SNX29: variants seen among roughly 807,000 people sequenced by gnomAD.
SNX29 encodes sorting nexin 29.
In SNX29, 78 loss-of-function variants were observed where a neutral mutation model predicts 102.1. The ratio of observed to expected loss-of-function variants is 0.76; its 90% CI spans 0.64 to 0.92. SNX29 has a LOEUF of 0.92. SNX29 is among the 40% of genes least tolerant of loss of function. The pLI, the probability that SNX29 is intolerant of heterozygous loss-of-function variation, is 0.00. For synonymous variants in SNX29, 580 were observed against 414.5 expected (o/e 1.40, Z -4.85); for missense variants, 1,280 against 1,061.7 (o/e 1.21, Z -2.86).
chr16:12,553,168 G>A (rs1470404394), intron 20 of SNX29, among the ~76,000 whole-genome samples: 3 of 152,186 alleles, frequency 2.0e-5, no homozygotes, highest in African/African-American at 7.2e-5. Context: ...TGGGATTTTT[G>A]GATCTTTAAG....
intron 20 of SNX29, among the ~76,000 whole-genome samples, chr16:12,548,824 C>T (rs1443457684): frequency 6.6e-6 from 1 of 152,184 alleles, no homozygotes; most frequent in Non-Finnish European, 1.5e-5. Flanking sequence ...TATGGCAGGC[C>T]CAGCCCTGTC....
In SNX29 at chr16:12,495,166, C is replaced by CT. The variant is rs921002533; in HGVS notation, c.2178+17315dup. Reference sequence around the variant, plus strand: ...TGGCAATTCTTTCGTTTTCTTTTTTCTTTTTTTTGAGTCTTGCTCTGTTGC... The same window carrying CT: ...TGGCAATTCTTTCGTTTTCTTTTTTCTTTTTTTTTGAGTCTTGCTCTGTTGC... On this transcript the variant is annotated intron_variant, in intron 19 of 20. Coordinates refer to ENST00000566228, the MANE Select transcript of SNX29 (RefSeq NM_032167.5). Among the ~76,000 whole-genome samples, 9 of 151,862 alleles carry CT rather than the reference C, an allele frequency of 5.9e-5. No individual in the cohort carries two copies. In the South Asian group the frequency reaches 6.2e-4, roughly 11 times the overall value.
In SNX29 at chr16:12,292,279, C is replaced by T. The variant is rs550829937; in HGVS notation, c.1782+14243C>T. ...ACAGAGGCAAGACGCCTCCATAGTTCCTTTTTTAGCACTGTTTGTCATTCC... is the reference window on the plus strand; with the variant it reads ...ACAGAGGCAAGACGCCTCCATAGTTTCTTTTTTAGCACTGTTTGTCATTCC... On this transcript the variant is annotated intron_variant, in intron 15 of 20. Transcript: ENST00000566228. Among the ~76,000 whole-genome samples the T allele has an allele frequency of 2.7e-4, 41 of 152,216 alleles. No individual in the cohort carries two copies. In the South Asian group the frequency reaches 3.3e-3, roughly 12 times the overall value.
chr16:12,416,383 A>G (rs915435802), intron 18 of SNX29, among the ~76,000 whole-genome samples: 7 of 152,206 alleles, frequency 4.6e-5, no homozygotes, highest in Admixed American at 3.3e-4. Context: ...ATGGTTAACA[A>G]TGACGTATAT....
In SNX29 at chr16:12,551,877, C is replaced by T. The variant is rs184787348; in HGVS notation, c.2319-16629C>T. On this transcript the variant is annotated intron_variant, in intron 20 of 20. Coordinates refer to ENST00000566228, the MANE Select transcript of SNX29 (RefSeq NM_032167.5). ...GGAGCAGGCAGGTGATATTTCTAGC[C>T]TGTCTGCTCATCTGTAAGGTAGGGA... Among the ~76,000 whole-genome samples, 232 of 152,286 alleles carry T rather than the reference C, an allele frequency of 1.5e-3. 1 individual carries two copies. The highest frequency in any genetic ancestry group is 5.3e-3 in the African/African-American group (222 of 41,546).
At chr16:12,546,093 A>T (rs1641881) in intron 20 of SNX29, among the ~76,000 whole-genome samples, 1 of 152,052 alleles carries the variant, frequency 6.6e-6, no homozygotes, top group Non-Finnish European at 1.5e-5. Context: ...CTCTCACTTC[A>T]CTGTGTGACT....
intron 14 of SNX29, among the ~76,000 whole-genome samples, chr16:12,243,120 C>A (rs1156458881): frequency 6.6e-6 from 1 of 152,260 alleles, no homozygotes; most frequent in East Asian, 1.9e-4. Context: ...AGCAGAGACA[C>A]TATTTGTCTT....
intron 18 of SNX29, among the ~76,000 whole-genome samples, chr16:12,455,520 G>T (rs1046433553): frequency 4.6e-5 from 7 of 152,224 alleles, no homozygotes; most frequent in Non-Finnish European, 1.0e-4. Context: ...ATTAGCCAGT[G>T]TTCCTTGTCT....
At chr16:12,489,103 C>G (rs1390920803) in intron 19 of SNX29, among the ~76,000 whole-genome samples, 1 of 152,206 alleles carries the variant, frequency 6.6e-6, no homozygotes, top group Non-Finnish European at 1.5e-5. Flanking sequence ...TTTCAGACAA[C>G]TGATTAAAAT....
At chr16:12,522,419 T>C (rs1289444418) in intron 19 of SNX29, among the ~76,000 whole-genome samples, 4 of 152,102 alleles carry the variant, frequency 2.6e-5, no homozygotes, top group African/African-American at 9.7e-5. Context: ...TATTCTGATT[T>C]TGATTTTTGA....
intron 13 of SNX29, among the ~76,000 whole-genome samples, chr16:12,155,645 A>G (rs377482678): frequency 6.6e-6 from 1 of 152,104 alleles, no homozygotes; most frequent in African/African-American, 2.4e-5. Context: ...GGAGTTGGAG[A>G]TGCGTTTGAG....
At chr16:12,087,359 A>G (rs12931499) in intron 11 of SNX29, 32,650 of 160,868 alleles carry the variant, frequency 0.2, 3,371 homozygotes, top group Admixed American at 0.26. Flanking sequence ...GGAGGTTGCA[A>G]TGAGCCGAGA....
At chr16:12,223,438 G>A (rs1035457893) in intron 14 of SNX29, among the ~76,000 whole-genome samples, 1 of 152,136 alleles carries the variant, frequency 6.6e-6, no homozygotes, top group East Asian at 1.9e-4. Context: ...GAGGAGGGTG[G>A]ATCACCTGAA....
chr16:12,173,853 C>A (rs1343776972), intron 13 of SNX29, among the ~76,000 whole-genome samples: 1 of 152,206 alleles, frequency 6.6e-6, no homozygotes, highest in Non-Finnish European at 1.5e-5. Context: ...GTGGTGCGAT[C>A]TCAGCTCACT....
At chr16:12,465,230 A>G (rs2086997375) in intron 18 of SNX29, among the ~76,000 whole-genome samples, 1 of 152,040 alleles carries the variant, frequency 6.6e-6, no homozygotes, top group Non-Finnish European at 1.5e-5. Context: ...GATGTAGTCC[A>G]ACTTATTTTG....
At chr16:12,526,642 G>A in intron 20 of SNX29, 1 of 528,000 alleles carries the variant, frequency 1.9e-6, no homozygotes, top group East Asian at 4.0e-5. Context: ...GGGTGCACGG[G>A]GGAATTAGCC....
chr16:12,505,093 G>A (rs576177182), intron 19 of SNX29, among the ~76,000 whole-genome samples: 56 of 152,320 alleles, frequency 3.7e-4, no homozygotes, highest in African/African-American at 1.2e-3. Flanking sequence ...AACATAGTGA[G>A]ACTCTGTCTC....
chr16:12,393,347 T>A (rs932281145), intron 16 of SNX29, among the ~76,000 whole-genome samples: 1 of 146,946 alleles, frequency 6.8e-6, no homozygotes, highest in African/African-American at 2.5e-5. Flanking sequence ...AAAAATCTGT[T>A]GGCATTTCAG....
chr16:12,562,538 A>C (rs535091596), intron 20 of SNX29, among the ~76,000 whole-genome samples: 3 of 152,300 alleles, frequency 2.0e-5, no homozygotes, highest in East Asian at 3.9e-4. Flanking sequence ...TGACACAGCC[A>C]GGAGTCATCT....
Sources: gnomAD v4.1 joint callset for allele counts (sites outside exome capture counted in the v4.1 genomes callset) on GRCh38, gnomAD v4.1.1 for gene constraint, MANE v1.5 for transcripts, NCBI Gene and HGNC (gene_info 2026-07-23, HGNC 2026-07-21) for gene names.